The following COL23A1 variants were observed in gnomAD, a reference collection of about 807,000 sequenced individuals.
COL23A1 encodes collagen type XXIII alpha 1 chain, also known as collagen alpha-1(XXIII) chain.
Under a neutral mutation model 99.3 loss-of-function variants are expected in COL23A1, and 97 were observed. The ratio of observed to expected loss-of-function variants is 0.98; its 90% CI spans 0.83 to 1.16. The LOEUF (loss-of-function observed/expected upper bound fraction) is 1.16, where lower values mean the gene tolerates loss of function less well. Ranked by LOEUF, COL23A1 falls within the 50% of genes most tolerant of loss-of-function variation. The pLI is 0.00. For synonymous variants in COL23A1, 320 were observed against 308.2 expected (o/e 1.04, Z -0.40); for missense variants, 762 against 757.4 (o/e 1.01, Z -0.07).
chr5:178,332,004 T>C (rs1368488351), intron 2 of COL23A1, among the ~76,000 whole-genome samples: 1 of 152,172 alleles, frequency 6.6e-6, no homozygotes, highest in Non-Finnish European at 1.5e-5. Context: ...CTGAGGCTGC[T>C]GGGAGACTGG....
At chr5:178,248,355 G>C in intron 19 of COL23A1, 101 bp from the exon 20 acceptor site, 1 of 857,742 alleles carries the variant, frequency 1.2e-6, no homozygotes, top group South Asian at 1.8e-5. Flanking sequence ...TGGCTCCTGA[G>C]AGCAGTCATC....
At chr5:178,451,474 G>A (rs1363661690) in intron 2 of COL23A1, among the ~76,000 whole-genome samples, 1 of 151,972 alleles carries the variant, frequency 6.6e-6, no homozygotes, top group African/African-American at 2.4e-5. Context: ...TGGCCAACAT[G>A]GTGAAACCCT....
At position 178,247,786 on chromosome 5, in the gene COL23A1, G is replaced by T. The variant is rs1190465706; in HGVS notation, c.1258C>A (p.Pro420Thr). The T allele has an allele frequency of 1.2e-6, 2 of 1,611,370 alleles. No individual in the cohort carries two copies. The highest frequency in any genetic ancestry group is 1.7e-5 in the Admixed American group (1 of 59,942). Reference sequence around the variant, plus strand: ...CAAACCGTCCTTACCATCGGGCCTGGGGGGCCAGGGGGGCCAGGGGGCCCT... The same window carrying T: ...CAAACCGTCCTTACCATCGGGCCTGTGGGGCCAGGGGGGCCAGGGGGCCCT... Reference protein sequence around the residue: ...EPGPPGPPGPPGPMGLQGIQG... With the variant: ...EPGPPGPPGPTGPMGLQGIQG... The change falls in exon 21 of 29, where the codon CCA (proline) becomes ACA (threonine). Residue 420 changes from proline to threonine, a missense_variant. Coordinates refer to ENST00000390654, the MANE Select transcript of COL23A1 (RefSeq NM_173465.4).
intron 2 of COL23A1, among the ~76,000 whole-genome samples, chr5:178,540,604 A>G (rs1336956172): frequency 6.6e-6 from 1 of 152,230 alleles, no homozygotes; most frequent in East Asian, 1.9e-4. Flanking sequence ...AAATTAATAC[A>G]TATTCAATGA....
At position 178,559,961 on chromosome 5, in the gene COL23A1, C is replaced by G. The variant is rs552214319; in HGVS notation, c.361+721G>C. On this transcript the variant is annotated intron_variant, in intron 2 of 28. Coordinates refer to ENST00000390654, the MANE Select transcript of COL23A1 (RefSeq NM_173465.4). ...GTCTGAGACACATCACCATTTTCCACTCATCCACTGGTATCAGACACCATT... is the reference window on the plus strand; with the variant it reads ...GTCTGAGACACATCACCATTTTCCAGTCATCCACTGGTATCAGACACCATT... Among the ~76,000 whole-genome samples the G allele has an allele frequency of 2.6e-5, 4 of 152,360 alleles. No individual in the cohort carries two copies. In the South Asian group the frequency reaches 8.3e-4, roughly 32 times the overall value.
At chr5:178,354,808 G>C (rs10078663) in intron 2 of COL23A1, among the ~76,000 whole-genome samples, 11,890 of 152,156 alleles carry the variant, frequency 0.078, 826 homozygotes, top group African/African-American at 0.2. Flanking sequence ...TGTAATCCTA[G>C]CACTTTGGGA....
At position 178,321,480 on chromosome 5, in the gene COL23A1, C is replaced by CTTT. The variant is rs570803192; in HGVS notation, c.362-14564_362-14562dup. On this transcript the variant is annotated intron_variant, in intron 2 of 28. Transcript: ENST00000390654. ...ACCTGTGATGACGAGGTCACCTTCC[C>CTTT]TTTTTTTTTTTTTTTTTTTTTTTTT... Among the ~76,000 whole-genome samples the CTTT allele has an allele frequency of 6.9e-3, 754 of 109,024 alleles. 52 individuals carry two copies. The highest frequency in any genetic ancestry group is 0.019 in the African/African-American group (480 of 24,996). 71.5% of individuals were successfully genotyped at this position (109,024 alleles called of 152,430 possible). A position where few individuals can be genotyped will look rare whatever the true frequency, so the allele number is the denominator to read the frequency against.
intron 2 of COL23A1, among the ~76,000 whole-genome samples, chr5:178,358,234 G>GTA (rs1400842811): frequency 0.021 from 1,904 of 92,714 alleles, 58 homozygotes; most frequent in African/African-American, 0.056. Context: ...ATGTGTGTAT[G>GTA]TGTGTATGTG....
At chr5:178,425,159 A>G (rs962411084) in intron 2 of COL23A1, among the ~76,000 whole-genome samples, 4 of 152,232 alleles carry the variant, frequency 2.6e-5, no homozygotes, top group Non-Finnish European at 5.9e-5. Flanking sequence ...TTGGTGGCTC[A>G]TGCCTGTAAT....
intron 1 of COL23A1, chr5:178,562,492 T>C (rs1351684756): frequency 1.3e-5 from 2 of 151,664 alleles, no homozygotes; most frequent in African/African-American, 4.9e-5. Context: ...CAGGCGGAGC[T>C]TGCAGTGAGC....
In COL23A1 at chr5:178,354,342, G is replaced by A. The variant is rs376521037; in HGVS notation, c.362-47423C>T. ...TTCTGCCTCAGCCTCGAAAATAGCT[G>A]CGACTACAGGCACATGCCACCATGC... is the stretch of plus-strand genomic sequence containing the variant. On this transcript the variant is annotated intron_variant, in intron 2 of 28. Coordinates refer to ENST00000390654, the MANE Select transcript of COL23A1 (RefSeq NM_173465.4). 4.6e-5 allele frequency among the ~76,000 whole-genome samples: 7 copies of A among 152,238 alleles called. No individual in the cohort carries two copies. In the South Asian group the frequency reaches 8.3e-4, roughly 18 times the overall value.
At chr5:178,494,888 T>G (rs1424322492) in intron 2 of COL23A1, among the ~76,000 whole-genome samples, 1 of 152,160 alleles carries the variant, frequency 6.6e-6, no homozygotes, top group Non-Finnish European at 1.5e-5. Flanking sequence ...TTTTCCCACC[T>G]GCACCAGCAC....
chr5:178,253,450 T>C (rs1765139799), intron 16 of COL23A1, among the ~76,000 whole-genome samples: 1 of 152,106 alleles, frequency 6.6e-6, no homozygotes, highest in Non-Finnish European at 1.5e-5. Context: ...TATCATTCCC[T>C]AGCTAGCCTT....
chr5:178,548,053 A>C (rs866056311), intron 2 of COL23A1, among the ~76,000 whole-genome samples: 8 of 16,456 alleles, frequency 4.9e-4, no homozygotes, highest in Non-Finnish European at 5.7e-4. Context: ...ACACCCACAC[A>C]CACATACCCC....
intron 2 of COL23A1, among the ~76,000 whole-genome samples, chr5:178,551,751 C>A (rs952080895): frequency 6.6e-6 from 1 of 152,206 alleles, no homozygotes; most frequent in Non-Finnish European, 1.5e-5. Context: ...GTCTCCTGCC[C>A]TGAGCACCCC....
At chr5:178,283,497 A>G (rs1757005961) in intron 5 of COL23A1, among the ~76,000 whole-genome samples, 2 of 152,186 alleles carry the variant, frequency 1.3e-5, no homozygotes, top group African/African-American at 4.8e-5. Flanking sequence ...TTTAATCCAA[A>G]TTATACCTGT....
In COL23A1 at chr5:178,589,061, G is replaced by A. The variant is rs1349634849; in HGVS notation, c.294+843C>T. ...CACATGCCGCACACAAAAGGCGGAG[G>A]CTTTGACCAACATGCTGGGTGAGGG... is the stretch of plus-strand genomic sequence containing the variant. On this transcript the variant is annotated intron_variant, in intron 1 of 28. Transcript: ENST00000390654. This position sits in a 1 kb window ranked among gnomAD's most constrained non-coding sequence, Gnocchi z 5.4. Among the ~76,000 whole-genome samples the A allele has an allele frequency of 6.6e-6, 1 of 152,176 alleles. No homozygotes were observed. The highest frequency in any genetic ancestry group is 6.5e-5 in the Admixed American group (1 of 15,280).
intron 2 of COL23A1, among the ~76,000 whole-genome samples, chr5:178,479,035 C>G (rs1372856800): frequency 2.6e-5 from 4 of 152,078 alleles, no homozygotes; most frequent in Non-Finnish European, 5.9e-5. Context: ...CCCAGGGAGA[C>G]AGCCATGTGC....
intron 2 of COL23A1, among the ~76,000 whole-genome samples, chr5:178,391,895 T>TG (rs111458323): frequency 6.9e-4 from 104 of 151,766 alleles, no homozygotes; most frequent in African/African-American, 2.5e-3. Flanking sequence ...TATTTGAGAC[T>TG]AAAAGGAATG....
Sources: gnomAD v4.1 joint callset for allele counts (sites outside exome capture counted in the v4.1 genomes callset) on GRCh38, gnomAD v4.1.1 for gene constraint, Gnocchi (gnomAD v3.1) non-coding constraint, MANE v1.5 for transcripts, NCBI Gene and HGNC (gene_info 2026-07-23, HGNC 2026-07-21) for gene names.